TREML1: variants seen among roughly 807,000 people sequenced by gnomAD.
TREML1 encodes the protein triggering receptor expressed on myeloid cells like 1.
Under a neutral mutation model 22.8 loss-of-function variants are expected in TREML1, and 27 were observed. The observed-to-expected ratio is 1.19, with a 90% CI of 0.87 to 1.64. The LOEUF (loss-of-function observed/expected upper bound fraction) is 1.64. Ranked by LOEUF, TREML1 falls within the 40% of genes most tolerant of loss-of-function variation. The probability of loss-of-function intolerance (pLI) is 0.00; values close to 1 mark genes in which losing one functional copy is unlikely to be tolerated. For synonymous variants in TREML1, 153 were observed against 161.9 expected, an observed-to-expected ratio of 0.94 and a Z score of 0.42; for missense variants, 356 against 382.0, an observed-to-expected ratio of 0.93 and a Z score of 0.57.
In TREML1 at chr6:41,153,997, T is replaced by C. The variant is rs1377349818; in HGVS notation, c.137A>G (p.Lys46Arg). Residue 46 changes from lysine (K) to arginine (R), a missense_variant, in exon 2 of 6, where the codon AAA (lysine) becomes AGA (arginine). Physicochemically the swap from Lys to Arg is conservative, Grantham distance 26. Transcript: ENST00000426005. The part of the protein sequence containing the change: ...VQCHYRLQDV[K>R]AQKVWCRFLP... ...GAACCGGCACCACACCTTCTGAGCTTTGACATCCTGGAGCCTGTAGTGGCA... is the reference window on the plus strand; with the variant it reads ...GAACCGGCACCACACCTTCTGAGCTCTGACATCCTGGAGCCTGTAGTGGCA... 6.2e-7 allele frequency: 1 copy of C among 1,614,116 alleles called. No individual in the cohort carries two copies. The highest frequency in any genetic ancestry group is 1.3e-5 in the African/African-American group (1 of 75,034).
At chr6:41,152,111 C>T (rs1765268963) in intron 2 of TREML1, among the ~76,000 whole-genome samples, 1 of 152,196 alleles carries the variant, frequency 6.6e-6, no homozygotes, top group Non-Finnish European at 1.5e-5. Context: ...GGAATGGGGC[C>T]TTGCCTTGTT....
chr6:41,151,632 C>T, intron 2 of TREML1: 1 of 503,696 alleles, frequency 2.0e-6, no homozygotes. Flanking sequence ...TTTCCCTCTA[C>T]CACCAGCTCC....
In TREML1 at chr6:41,154,297, A is replaced by C; in HGVS notation, c.-9T>G. ...AGCAGGGTGAGGCCCATGGCTGGGC[A>C]GAGAAATGTCAACTCCTGGGCTTGC... is the stretch of plus-strand genomic sequence containing the variant. On this transcript the variant is annotated 5_prime_UTR_variant, in exon 1 of 6. Coordinates refer to ENST00000426005, the MANE Select transcript of TREML1 (RefSeq NM_178174.4). 6.2e-7 allele frequency: 1 copy of C among 1,613,846 alleles called. No homozygotes were observed.
intron 2 of TREML1, chr6:41,151,760 C>G (rs983776847): frequency 1.4e-5 from 3 of 207,478 alleles, no homozygotes; most frequent in Admixed American, 5.1e-5. Flanking sequence ...CCCACCTCTC[C>G]TTCCCACCCG....
intron 2 of TREML1, chr6:41,151,623 T>G: frequency 3.9e-6 from 2 of 518,690 alleles, no homozygotes; most frequent in Non-Finnish European, 7.0e-6. Context: ...ACACCCACTT[T>G]TCCCTCTACC....
chr6:41,153,766 A>C lies in TREML1; in HGVS notation c.368T>G (p.Leu123Arg), dbSNP rs1418004879. ...GGCCTAGGATAACTCACCTGGGGGC[A>C]GTATGTTCAGAGAGACTCTGTGCAA... ...QILHRVSLNI[L>R]PPEEEEETHK... The change falls in exon 2 of 6, where the codon CTG becomes CGG. Residue 123 changes from leucine (L) to arginine (R), a missense_variant. Coordinates refer to ENST00000426005, the MANE Select transcript of TREML1 (RefSeq NM_178174.4). 6.2e-7 allele frequency: 1 copy of C among 1,606,110 alleles called. No individual in the cohort carries two copies. Among genetic ancestry groups the C allele is most frequent in the Admixed American group, 1.7e-5 (1 of 59,342 alleles).
rs776144903 is a variant in TREML1, at chr6:41,153,965, C to T, written c.169G>A (p.Glu57Lys). The stretch of plus-strand genomic sequence containing the variant: ...GAGGACACCAGGGGCTGGCACCCCT[C>T]CGGCAAGAACCGGCACCACACCTTC... ...AQKVWCRFLP[E>K]GCQPLVSSAV... The change falls in exon 2 of 6, where the codon GAG (glutamate) becomes AAG (lysine). Residue 57 changes from glutamate (E) to lysine (K), a missense_variant. Transcript: ENST00000426005. 1 of 1,614,206 alleles carries T rather than the reference C, an allele frequency of 6.2e-7. No homozygotes were observed. The highest frequency in any genetic ancestry group is 8.5e-7 in the Non-Finnish European group (1 of 1,180,042).
At chr6:41,150,199 C>T (rs1202850442) in intron 5 of TREML1, 62 bp downstream of exon 5, 1 of 1,574,112 alleles carries the variant, frequency 6.4e-7, no homozygotes. Flanking sequence ...TAGGACCTCT[C>T]AGTGAGTGAG....
chr6:41,150,165 A>ATC, intron 5 of TREML1, 96 bp downstream of exon 5: 1 of 1,397,180 alleles, frequency 7.2e-7, no homozygotes, highest in Admixed American at 1.9e-5. Flanking sequence ...ACTAGGTCCC[A>ATC]GTCCTTTCTC....
Position 41,150,249 on chromosome 6 carries a change from G to A in TREML1, c.621+12C>T. On this transcript the variant is annotated intron_variant, in intron 5 of 5. Coordinates refer to ENST00000426005, the MANE Select transcript of TREML1 (RefSeq NM_178174.4). ...TGGGGAATTTGGCTGTGGGCCTGCA[G>A]AGGCCTCTTACCATGCCTGAAACTC... 1.2e-6 allele frequency: 2 copies of A among 1,613,828 alleles called. No homozygotes were observed. The highest frequency in any genetic ancestry group is 1.7e-6 in the Non-Finnish European group (2 of 1,179,860).
At chr6:41,152,792 G>A (rs1288216212) in intron 2 of TREML1, among the ~76,000 whole-genome samples, 1 of 152,126 alleles carries the variant, frequency 6.6e-6, no homozygotes, top group Non-Finnish European at 1.5e-5. Flanking sequence ...AGAATCACTT[G>A]AACCCGAGAG....
intron 4 of TREML1, among the ~76,000 whole-genome samples, chr6:41,150,595 C>T (rs529992861): frequency 6.6e-6 from 1 of 152,238 alleles, no homozygotes; most frequent in African/African-American, 2.4e-5. Context: ...ATTGCATTGC[C>T]CTACCCTTTC....
chr6:41,153,660 C>T, intron 2 of TREML1, 98 bp downstream of exon 2: 2 of 1,281,900 alleles, frequency 1.6e-6, no homozygotes, highest in Non-Finnish European at 2.2e-6. Context: ...TGCCTCCTCC[C>T]CAGGGGCCCC....
chr6:41,150,244 C>T lies in TREML1; in HGVS notation c.621+17G>A. ...AAGTCTGGGGAATTTGGCTGTGGGC[C>T]TGCAGAGGCCTCTTACCATGCCTGA... On this transcript the variant is annotated intron_variant, in intron 5 of 5. Coordinates refer to ENST00000426005, the MANE Select transcript of TREML1 (RefSeq NM_178174.4). 1 of 1,613,696 alleles carries T rather than the reference C, an allele frequency of 6.2e-7. No homozygotes were observed. Among genetic ancestry groups the T allele is most frequent in the Non-Finnish European group, 8.5e-7 (1 of 1,179,768 alleles).
At chr6:41,150,195 C>T in intron 5 of TREML1, 66 bp downstream of exon 5, 1 of 1,556,810 alleles carries the variant, frequency 6.4e-7, no homozygotes, top group Non-Finnish European at 8.8e-7. Flanking sequence ...ATCCTAGGAC[C>T]TCTCAGTGAG....
intron 2 of TREML1, 35 bp downstream of exon 2, chr6:41,153,723 G>A: frequency 6.4e-7 from 1 of 1,560,746 alleles, no homozygotes; most frequent in African/African-American, 1.4e-5. Flanking sequence ...GGGAGGGTAG[G>A]TCTAAGGGGT....
intron 2 of TREML1, among the ~76,000 whole-genome samples, chr6:41,153,239 G>T (rs1467986283): frequency 1.4e-5 from 2 of 148,074 alleles, no homozygotes; most frequent in East Asian, 3.9e-4. Context: ...AAAACGAAAG[G>T]AGTTGAAGTT....
Position 41,151,348 on chromosome 6 carries a change from G to A in TREML1, c.413C>T (p.Ala138Val). 3 of 1,614,214 alleles carry A rather than the reference G, an allele frequency of 1.9e-6. No homozygotes were observed. Among genetic ancestry groups the A allele is most frequent in the Non-Finnish European group, 2.5e-6 (3 of 1,180,034 alleles). ...TGCAGGGTCTGAGAATGCGTTCTCA[G>A]CCAGACTGCCAATCTTATGGGTCTC... ...EEETHKIGSLAENAFSDPAGS... is the reference protein window; with the variant it reads ...EEETHKIGSLVENAFSDPAGS... The change falls in exon 3 of 6, where the codon GCT becomes GTT. Residue 138 changes from alanine to valine, a missense_variant. Coordinates refer to ENST00000426005, the MANE Select transcript of TREML1 (RefSeq NM_178174.4).
At chr6:41,154,636 A>G (rs1011453443), upstream of TREML1, among the ~76,000 whole-genome samples, 2 of 152,202 alleles carry the variant, frequency 1.3e-5, no homozygotes. Context: ...ACAGAATCTG[A>G]GGGTGCACAG....
Sources: gnomAD v4.1 joint callset for allele counts (sites outside exome capture counted in the v4.1 genomes callset) on GRCh38, gnomAD v4.1.1 for gene constraint, MANE v1.5 for transcripts, NCBI Gene and HGNC (gene_info 2026-07-23, HGNC 2026-07-21) for gene names.